Variants in ATE1 observed in about 807,000 individuals in gnomAD.
ATE1 encodes the protein arginyltransferase 1.
In ATE1, 36 loss-of-function variants were observed where a neutral mutation model predicts 70.5. That is an observed-to-expected ratio of 0.51 (90% CI 0.39 to 0.67). The LOEUF is 0.67. ATE1 is among the 30% of genes least tolerant of loss of function. ATE1 has a pLI of 0.00. For missense variants in ATE1, 593 were observed against 629.5 expected (o/e 0.94, Z 0.62); for synonymous variants, 232 against 219.3 (o/e 1.06, Z -0.51).
chr10:121,830,142 A>C (rs1337430362), intron 10 of ATE1, among the ~76,000 whole-genome samples: 1 of 152,190 alleles, frequency 6.6e-6, no homozygotes, highest in Non-Finnish European at 1.5e-5. Flanking sequence ...GAGGGTTCTC[A>C]TGTGCAAGTA....
intron 8 of ATE1, among the ~76,000 whole-genome samples, chr10:121,842,298 A>T (rs1247928863): frequency 6.6e-6 from 1 of 152,204 alleles, no homozygotes; most frequent in African/African-American, 2.4e-5. Flanking sequence ...AATATAACTG[A>T]TCTTAAATGA....
chr10:121,873,595 A>G (rs1949934318), intron 7 of ATE1, among the ~76,000 whole-genome samples: 1 of 151,858 alleles, frequency 6.6e-6, no homozygotes, highest in Admixed American at 6.6e-5. Flanking sequence ...TTTTCTAAGT[A>G]TAGGGGTAGG....
At chr10:121,790,067 A>C in intron 11 of ATE1, 102 bp downstream of exon 11, 1 of 1,494,382 alleles carries the variant, frequency 6.7e-7, no homozygotes, top group Non-Finnish European at 9.1e-7. Flanking sequence ...ATACTCTATA[A>C]TATACAAAGC....
rs549976128 is a variant in ATE1, at chr10:121,740,757, T to G, written c.*2923A>C. ...GGAAAGGTTCTTTTACATAATAGAT[T>G]CTGACACGTTAAGAAACTACACACA... is the stretch of plus-strand genomic sequence containing the variant. On this transcript the variant is annotated 3_prime_UTR_variant, in exon 12 of 12. Coordinates refer to ENST00000224652, the MANE Select transcript of ATE1 (RefSeq NM_001001976.3). 62 of 152,304 alleles carry G rather than the reference T, an allele frequency of 4.1e-4. No individual in the cohort carries two copies. The highest frequency in any genetic ancestry group is 1.4e-3 in the African/African-American group (59 of 41,570). The allele number at this position is 152,304 out of a possible 1,614,324, so 9.4% of individuals were successfully genotyped here. A position where few individuals can be genotyped will look rare whatever the true frequency, so the allele number is the denominator to read the frequency against.
At chr10:121,885,767 T>A (rs1276315133) in intron 7 of ATE1, among the ~76,000 whole-genome samples, 2 of 150,756 alleles carry the variant, frequency 1.3e-5, no homozygotes, top group Non-Finnish European at 3.0e-5. Flanking sequence ...GGGCTTGGAG[T>A]CATGCGCCTG....
At chr10:121,768,361 T>C (rs1210333993) in intron 11 of ATE1, among the ~76,000 whole-genome samples, 2 of 151,978 alleles carry the variant, frequency 1.3e-5, no homozygotes, top group Non-Finnish European at 2.9e-5. Flanking sequence ...TATAGTTGTT[T>C]AAAAAAAACT....
intron 11 of ATE1, among the ~76,000 whole-genome samples, chr10:121,767,932 T>C (rs1327219794): frequency 2.6e-5 from 4 of 152,212 alleles, no homozygotes; most frequent in African/African-American, 4.8e-5. Flanking sequence ...CCCATGGTCA[T>C]AGCAGCATCA....
Position 121,852,440 on chromosome 10 carries a change from G to A in ATE1, c.976-11177C>T, listed in dbSNP as rs538029119. Among the ~76,000 whole-genome samples the A allele has an allele frequency of 7.9e-5, 12 of 152,060 alleles. No homozygotes were observed. In the East Asian group the frequency reaches 1.3e-3, roughly 17 times the overall value. ...TAACAGTTTCATGAAACACTTCACCGAAGTTTGAAAAATAGAAACACACAC... is the reference window on the plus strand; with the variant it reads ...TAACAGTTTCATGAAACACTTCACCAAAGTTTGAAAAATAGAAACACACAC... On this transcript the variant is annotated intron_variant, in intron 8 of 11. Coordinates refer to ENST00000224652, the MANE Select transcript of ATE1 (RefSeq NM_001001976.3).
At chr10:121,759,723 C>CA (rs869041308) in intron 11 of ATE1, among the ~76,000 whole-genome samples, 18,697 of 72,462 alleles carry the variant, frequency 0.26, 1,798 homozygotes, top group Admixed American at 0.38. Flanking sequence ...GACTCCGTCT[C>CA]AAAAAAAAAA....
chr10:121,906,629 C>CACT (rs1279115978), intron 5 of ATE1, among the ~76,000 whole-genome samples: 1 of 151,958 alleles, frequency 6.6e-6, no homozygotes, highest in Non-Finnish European at 1.5e-5. Flanking sequence ...GATGGAGCCT[C>CACT]ACTCTGTCAC....
chr10:121,912,837 C>A (rs1001208140), intron 4 of ATE1, among the ~76,000 whole-genome samples: 1 of 151,374 alleles, frequency 6.6e-6, no homozygotes, highest in Non-Finnish European at 1.5e-5. Context: ...CTTGACCTCC[C>A]TGATTCTTGT....
At chr10:121,750,897 T>C (rs551620296) in intron 11 of ATE1, among the ~76,000 whole-genome samples, 2 of 152,322 alleles carry the variant, frequency 1.3e-5, no homozygotes, top group East Asian at 1.9e-4. Context: ...AACGCAACTC[T>C]GGAAGTTCAA....
chr10:121,857,461 A>G (rs1251676068), intron 8 of ATE1, among the ~76,000 whole-genome samples: 1 of 152,242 alleles, frequency 6.6e-6, no homozygotes, highest in African/African-American at 2.4e-5. Flanking sequence ...ATGGCTGCAT[A>G]GTATTCCATG....
upstream of ATE1, chr10:121,928,231 G>C: frequency 7.3e-7 from 1 of 1,370,098 alleles, no homozygotes; most frequent in Non-Finnish European, 9.5e-7. Flanking sequence ...AAACAGGATG[G>C]GGAGAGTCAA....
At chr10:121,766,336 C>T (rs868219998) in intron 11 of ATE1, among the ~76,000 whole-genome samples, 2 of 152,148 alleles carry the variant, frequency 1.3e-5, no homozygotes, top group South Asian at 4.1e-4. Flanking sequence ...AACCATAAGA[C>T]AGGGGGCCTT....
intron 8 of ATE1, among the ~76,000 whole-genome samples, chr10:121,855,767 G>T (rs1949225178): frequency 6.6e-6 from 1 of 152,086 alleles, no homozygotes; most frequent in Non-Finnish European, 1.5e-5. Context: ...TGCTAGCTCA[G>T]AAACATTTTT....
At chr10:121,776,342 C>CCA (rs769535791) in intron 11 of ATE1, among the ~76,000 whole-genome samples, 5 of 25,040 alleles carry the variant, frequency 2.0e-4, no homozygotes, top group Non-Finnish European at 8.5e-4. Flanking sequence ...CAAATCCCTC[C>CCA]TATCTCTAAT....
chr10:121,815,658 A>T (rs1344127439), intron 10 of ATE1, among the ~76,000 whole-genome samples: 1 of 152,208 alleles, frequency 6.6e-6, no homozygotes, highest in Non-Finnish European at 1.5e-5. Flanking sequence ...TGTGTCATAC[A>T]GGACAGTTTA....
intron 8 of ATE1, among the ~76,000 whole-genome samples, 194 bp from the exon 9 acceptor site, chr10:121,841,457 A>G (rs1414804547): frequency 1.3e-5 from 2 of 152,194 alleles, no homozygotes; most frequent in Non-Finnish European, 2.9e-5. Flanking sequence ...TACAAAATTC[A>G]AAAAGAGAAA....
Sources: gnomAD v4.1 joint callset for allele counts (sites outside exome capture counted in the v4.1 genomes callset) on GRCh38, gnomAD v4.1.1 for gene constraint, MANE v1.5 for transcripts, NCBI Gene and HGNC (gene_info 2026-07-23, HGNC 2026-07-21) for gene names.